The following BRSK2 variants were observed in gnomAD, a reference collection of about 807,000 sequenced individuals.
BRSK2 encodes serine/threonine-protein kinase BRSK2.
A neutral mutation model predicts 83.3 loss-of-function variants in BRSK2; 19 were observed. The ratio of observed to expected loss-of-function variants is 0.23; its 90% CI spans 0.16 to 0.33. The LOEUF (loss-of-function observed/expected upper bound fraction) is 0.33, where lower values mean the gene tolerates loss of function less well. BRSK2 is among the 10% of genes least tolerant of loss of function. BRSK2 has a pLI of 1.00. For missense variants in BRSK2, 798 were observed against 1,042.3 expected (o/e 0.77, Z 3.23); for synonymous variants, 519 against 435.4 (o/e 1.19, Z -2.39).
intron 18 of BRSK2, among the ~76,000 whole-genome samples, chr11:1,457,276 C>T (rs557977539): frequency 3.9e-5 from 6 of 152,170 alleles, no homozygotes; most frequent in Non-Finnish European, 8.8e-5. Context: ...CTAGGAGGGC[C>T]GCGGGCTGCC....
intron 1 of BRSK2, chr11:1,410,351 C>T (rs533866879): frequency 5.0e-6 from 3 of 603,568 alleles, no homozygotes; most frequent in South Asian, 1.6e-4. Flanking sequence ...TTTGTGACGT[C>T]GGCCTCGCAG....
chr11:1,443,428 T>TGA, intron 7 of BRSK2, 25 bp downstream of exon 7: 8 of 1,586,148 alleles, frequency 5.0e-6, no homozygotes, highest in Non-Finnish European at 6.9e-6. Context: ...CCCTCAACCC[T>TGA]GCCCTGGCCT....
intron 1 of BRSK2, among the ~76,000 whole-genome samples, chr11:1,400,435 GCCT>G (rs1476811081): frequency 6.6e-6 from 1 of 152,100 alleles, no homozygotes; most frequent in Admixed American, 6.5e-5. Flanking sequence ...CTGGGCGGTG[GCCT>G]CCTCTTCCAT....
chr11:1,453,548 G>A (rs1041107158), intron 15 of BRSK2, among the ~76,000 whole-genome samples: 4 of 152,250 alleles, frequency 2.6e-5, no homozygotes, highest in Admixed American at 2.6e-4. Context: ...CGCCGAGACC[G>A]GCAGGACACT....
In BRSK2 at chr11:1,460,919, T is replaced by C; in HGVS notation, c.*196T>C. On this transcript the variant is annotated 3_prime_UTR_variant, in exon 20 of 20. Transcript: ENST00000528841. Reference sequence around the variant, plus strand: ...GCGCCCGCTCTCTTTTCTCTCTGTCTCTGCCTCTGCCTGTCTCTGACAGCA... The same window carrying C: ...GCGCCCGCTCTCTTTTCTCTCTGTCCCTGCCTCTGCCTGTCTCTGACAGCA... 6.2e-7 allele frequency: 1 copy of C among 1,610,780 alleles called. No individual in the cohort carries two copies. The highest frequency in any genetic ancestry group is 8.5e-7 in the Non-Finnish European group (1 of 1,178,740).
chr11:1,456,307 C>G, intron 16 of BRSK2, 41 bp from the exon 17 acceptor site: 1 of 1,510,450 alleles, frequency 6.6e-7, no homozygotes, highest in Non-Finnish European at 8.9e-7. Context: ...CAGGGTGGGA[C>G]CTGCCAGGCC....
At chr11:1,411,625 G>A in intron 1 of BRSK2, 1 of 1,553,974 alleles carries the variant, frequency 6.4e-7, no homozygotes. Context: ...CTGCAGCCCA[G>A]CCCAGCAGGT....
chr11:1,397,930 A>G (rs1046471244), intron 1 of BRSK2, among the ~76,000 whole-genome samples: 2 of 151,956 alleles, frequency 1.3e-5, no homozygotes, highest in Non-Finnish European at 2.9e-5. Flanking sequence ...ATCACTGCCC[A>G]CTTGGCTTAA....
intron 18 of BRSK2, among the ~76,000 whole-genome samples, chr11:1,457,929 C>T (rs1846837501): frequency 6.6e-6 from 1 of 152,192 alleles, no homozygotes; most frequent in Non-Finnish European, 1.5e-5. Context: ...CAGGCTGGCA[C>T]AGCGGGTAAG....
At position 1,454,341 on chromosome 11, in the gene BRSK2, G is replaced by A. The variant is rs1389204048; in HGVS notation, c.1545-144G>A. The A allele has an allele frequency of 1.0e-5, 10 of 979,384 alleles. No individual in the cohort carries two copies. In the Admixed American group the frequency reaches 1.6e-4, roughly 15 times the overall value. The allele number at this position is 979,384 out of a possible 1,614,324, so 60.7% of individuals were successfully genotyped here. A position where few individuals can be genotyped will look rare whatever the true frequency, so the allele number is the denominator to read the frequency against. On this transcript the variant is annotated intron_variant, in intron 15 of 19. Coordinates refer to ENST00000528841, the MANE Select transcript of BRSK2 (RefSeq NM_001256627.2). This position sits in a 1 kb window ranked among gnomAD's most constrained non-coding sequence, Gnocchi z 5.2. Reference sequence around the variant, plus strand: ...GTTAGGGCGTTGGGGTCAGGGCCATGGGTTCTGGCTAGCACTGTGGAGACA... The same window carrying A: ...GTTAGGGCGTTGGGGTCAGGGCCATAGGTTCTGGCTAGCACTGTGGAGACA...
rs1475939011 is a variant in BRSK2 at position 1,445,157 on chromosome 11, A to T, written c.813-137A>T. ...GCGCTGGGTGCGGGGTGCGGGCAGGACGCAGGAGGCCTCCCCGGGCTGGGC... is the reference window on the plus strand; with the variant it reads ...GCGCTGGGTGCGGGGTGCGGGCAGGTCGCAGGAGGCCTCCCCGGGCTGGGC... On this transcript the variant is annotated intron_variant, in intron 9 of 19. Coordinates refer to ENST00000528841, the MANE Select transcript of BRSK2 (RefSeq NM_001256627.2). The T allele has an allele frequency of 3.4e-6, 5 of 1,461,266 alleles. No individual in the cohort carries two copies. The South Asian group carries it at 6.1e-5, about 18-fold the overall frequency. 90.5% of individuals were successfully genotyped at this position (1,461,266 alleles called of 1,614,324 possible).
At chr11:1,418,858 A>C (rs1183403948) in intron 1 of BRSK2, among the ~76,000 whole-genome samples, 2 of 152,260 alleles carry the variant, frequency 1.3e-5, no homozygotes, top group Non-Finnish European at 2.9e-5. Context: ...GGGTCCCTCC[A>C]GCAAATTTCT....
intron 4 of BRSK2, among the ~76,000 whole-genome samples, chr11:1,442,120 C>G (rs562484606): frequency 6.6e-6 from 1 of 151,408 alleles, no homozygotes; most frequent in East Asian, 2.0e-4. Context: ...CTGGCACCCA[C>G]CCAAGCACTC....
intron 1 of BRSK2, among the ~76,000 whole-genome samples, chr11:1,415,819 C>T (rs964703312): frequency 2.0e-5 from 3 of 152,272 alleles, no homozygotes; most frequent in Non-Finnish European, 4.4e-5. Context: ...GGAGCGGCTG[C>T]CCCTTCTGTT....
At chr11:1,400,644 G>T (rs577888572) in intron 1 of BRSK2, among the ~76,000 whole-genome samples, 3 of 149,350 alleles carry the variant, frequency 2.0e-5, no homozygotes, top group Admixed American at 6.7e-5. Flanking sequence ...TGTCACACAC[G>T]TGCAGGTGGT....
chr11:1,392,741 GTCT>G (rs1258215725), intron 1 of BRSK2, among the ~76,000 whole-genome samples: 5 of 152,360 alleles, frequency 3.3e-5, no homozygotes, highest in East Asian at 3.9e-4. Flanking sequence ...CCGGTCGGCT[GTCT>G]TCTTCTGCCT....
At chr11:1,457,423 C>T (rs572284128) in intron 18 of BRSK2, among the ~76,000 whole-genome samples, 1 of 150,018 alleles carries the variant, frequency 6.7e-6, no homozygotes, top group African/African-American at 2.5e-5. Context: ...GGAGGGTTGC[C>T]CCAGCCTGGA....
intron 4 of BRSK2, 75 bp downstream of exon 4, chr11:1,441,003 T>G: frequency 3.0e-6 from 4 of 1,315,076 alleles, no homozygotes; most frequent in Non-Finnish European, 4.1e-6. Context: ...ATGCCCCCTG[T>G]GCCCCAAGGA....
intron 18 of BRSK2, among the ~76,000 whole-genome samples, chr11:1,457,759 C>T (rs1590712546): frequency 6.6e-6 from 1 of 152,154 alleles, no homozygotes; most frequent in East Asian, 1.9e-4. Flanking sequence ...TGCCCCTCCC[C>T]ATGACATCCT....
Sources: gnomAD v4.1 joint callset for allele counts (sites outside exome capture counted in the v4.1 genomes callset) on GRCh38, gnomAD v4.1.1 for gene constraint, Gnocchi (gnomAD v3.1) non-coding constraint, MANE v1.5 for transcripts, NCBI Gene and HGNC (gene_info 2026-07-23, HGNC 2026-07-21) for gene names.